Variants in PRKX observed in about 807,000 individuals in gnomAD.
The protein encoded by PRKX is protein kinase cAMP-dependent X-linked catalytic subunit, also known as cAMP-dependent protein kinase catalytic subunit PRKX.
Under a neutral mutation model 22.0 loss-of-function variants are expected in PRKX, and 12 were observed. The observed-to-expected ratio is 0.54, with a 90% confidence interval of 0.35 to 0.88. The LOEUF is 0.88. Among genes scored for constraint, PRKX ranks in the 40% least tolerant of loss-of-function variants. The pLI, the probability that PRKX is intolerant of heterozygous loss-of-function variation, is 0.01. For missense variants in PRKX, 217 were observed against 308.0 expected (o/e 0.70, Z 2.21); for synonymous variants, 134 against 137.7 (o/e 0.97, Z 0.19).
At chrX:3,696,300 A>G (rs1450606705) in intron 1 of PRKX, among the ~76,000 whole-genome samples, 2 of 111,467 alleles carry the variant, frequency 1.8e-5, no homozygotes, top group African/African-American at 6.5e-5. Flanking sequence ...CCCCCAGTCT[A>G]TGATACAGAC....
chrX:3,692,416 C>T (rs6641856), intron 1 of PRKX, among the ~76,000 whole-genome samples: 18,771 of 110,174 alleles, frequency 0.17, 1,315 homozygotes, highest in East Asian at 0.36. Flanking sequence ...CCCGTAGTAT[C>T]GCCTGCAATG....
intron 1 of PRKX, among the ~76,000 whole-genome samples, chrX:3,695,471 G>A: frequency 9.0e-6 from 1 of 111,498 alleles, no homozygotes. Flanking sequence ...GGAGTGCAGT[G>A]GCGCAATCTT....
chrX:3,710,387 G>A (rs1476410446), intron 1 of PRKX, among the ~76,000 whole-genome samples: 4 of 111,716 alleles, frequency 3.6e-5, no homozygotes, highest in South Asian at 3.7e-4. Flanking sequence ...CTAGAACGCT[G>A]ACAAGTTTCT....
intron 1 of PRKX, among the ~76,000 whole-genome samples, chrX:3,708,849 C>CAA (rs370829251): frequency 9.4e-5 from 8 of 84,704 alleles, no homozygotes; most frequent in Non-Finnish European, 7.0e-5. Flanking sequence ...AACTCTGTCT[C>CAA]AAAAAAAAAA....
intron 1 of PRKX, among the ~76,000 whole-genome samples, chrX:3,701,655 A>G (rs147657462): frequency 0.016 from 1,799 of 112,157 alleles, 39 homozygotes; most frequent in African/African-American, 0.055. Context: ...GTTGGGCTGC[A>G]TGCCCAGATG....
chrX:3,710,410 C>T (rs776297635), intron 1 of PRKX, among the ~76,000 whole-genome samples: 6 of 112,101 alleles, frequency 5.4e-5, no homozygotes, highest in African/African-American at 1.3e-4. Context: ...TTCTCTCTGT[C>T]GCCCAGGCTG....
Position 3,655,409 on chromosome X carries a change from G to C in PRKX, c.339C>G (p.Phe113Leu). ...GGAAGCGCTCGTCATGCCACGTCCAGAACCTGCGGGGACAGACAGCACATG... is the reference window on the plus strand; with the variant it reads ...GGAAGCGCTCGTCATGCCACGTCCACAACCTGCGGGGACAGACAGCACATG... Reference protein sequence around the residue: ...EVSHPFLIRLFWTWHDERFLY... With the variant: ...EVSHPFLIRLLWTWHDERFLY... Residue 113 changes from phenylalanine (F) to leucine (L), a missense_variant, in exon 3 of 9, where the codon TTC becomes TTG. By Grantham distance (22) the Phe-to-Leu change is conservative. Coordinates refer to ENST00000262848, the MANE Select transcript of PRKX (RefSeq NM_005044.5). The C allele has an allele frequency of 8.2e-7, 1 of 1,212,188 alleles. No homozygotes were observed. Among genetic ancestry groups the C allele is most frequent in the Non-Finnish European group, 1.1e-6 (1 of 895,599 alleles).
At chrX:3,671,646 A>G (rs1927848775) in intron 2 of PRKX, among the ~76,000 whole-genome samples, 1 of 111,429 alleles carries the variant, frequency 9.0e-6, no homozygotes, top group Non-Finnish European at 1.9e-5. Flanking sequence ...AGCATCCAAA[A>G]TGTCCTCTTC....
intron 2 of PRKX, among the ~76,000 whole-genome samples, chrX:3,661,596 GA>G (rs11408481): frequency 5.7e-4 from 56 of 97,555 alleles, no homozygotes; most frequent in Admixed American, 9.0e-4. Context: ...ACCCTATCTG[GA>G]AAAAAAAAAA....
At chrX:3,663,836 T>C (rs1159635256) in intron 2 of PRKX, among the ~76,000 whole-genome samples, 1 of 110,685 alleles carries the variant, frequency 9.0e-6, no homozygotes, top group African/African-American at 3.3e-5. Flanking sequence ...GTGAGAGGCA[T>C]CTGAGCAGAA....
intron 2 of PRKX, among the ~76,000 whole-genome samples, chrX:3,671,245 A>G (rs766371364): frequency 2.1e-4 from 23 of 110,443 alleles, no homozygotes; most frequent in Non-Finnish European, 3.8e-4. Context: ...CATATTGGCC[A>G]GGCTAGAATT....
chrX:3,656,064 T>C (rs1238679362), intron 2 of PRKX, among the ~76,000 whole-genome samples: 1 of 111,771 alleles, frequency 8.9e-6, no homozygotes, highest in Non-Finnish European at 1.9e-5. Flanking sequence ...TGTTGGAATA[T>C]AGGTGTAGAC....
Position 3,713,379 on chromosome X carries a change from G to C in PRKX, c.-126C>G. 5.4e-6 allele frequency: 3 copies of C among 555,355 alleles called. No homozygotes were observed. Among genetic ancestry groups the C allele is most frequent in the Non-Finnish European group, 7.3e-6 (3 of 408,743 alleles). 45.8% of individuals were successfully genotyped at this position (555,355 alleles called of 1,213,427 possible). ...ACAGAGGCTCCCCATGCGCGCTCTC[G>C]CCTCCTGGTGCGCGGTCCGGCGCGG... On this transcript the variant is annotated 5_prime_UTR_variant, in exon 1 of 9. Coordinates refer to ENST00000262848, the MANE Select transcript of PRKX (RefSeq NM_005044.5).
intron 1 of PRKX, among the ~76,000 whole-genome samples, chrX:3,692,290 C>T (rs1928346296): frequency 1.8e-5 from 2 of 110,564 alleles, no homozygotes; most frequent in East Asian, 2.9e-4. Context: ...ACTCACCACA[C>T]GCCATCAGCA....
intron 1 of PRKX, among the ~76,000 whole-genome samples, chrX:3,681,895 T>C (rs1425489395): frequency 9.1e-6 from 1 of 110,238 alleles, no homozygotes; most frequent in Non-Finnish European, 1.9e-5. Context: ...CAGGCCACCG[T>C]GTTTATCATC....
rs186237897 is a variant in PRKX, at chrX:3,706,979, T to A, written c.166+6109A>T. Among the ~76,000 whole-genome samples the A allele has an allele frequency of 1.1e-4, 12 of 110,621 alleles. No homozygotes were observed. The East Asian group carries it at 3.4e-3, about 32-fold the overall frequency. On this transcript the variant is annotated intron_variant, in intron 1 of 8. Transcript: ENST00000262848. ...TCTCTACAAAAATAAATACATAAAT[T>A]AGCTGAGTGTGGTGGTGCACGTCTG...
chrX:3,661,149 AAC>A (rs1927586923), intron 2 of PRKX, among the ~76,000 whole-genome samples: 2 of 111,841 alleles, frequency 1.8e-5, no homozygotes, highest in African/African-American at 6.5e-5. Flanking sequence ...TTTAAGAAGT[AAC>A]AGTTTACAAA....
intron 7 of PRKX, among the ~76,000 whole-genome samples, chrX:3,615,309 G>A (rs1366850118): frequency 9.0e-5 from 10 of 111,629 alleles, no homozygotes; most frequent in Non-Finnish European, 1.7e-4. Flanking sequence ...GTGAGCCACA[G>A]CACCCAGCCA....
chrX:3,621,712 G>C (rs1360161612), intron 5 of PRKX, among the ~76,000 whole-genome samples: 1 of 111,826 alleles, frequency 8.9e-6, no homozygotes, highest in Admixed American at 9.5e-5. Context: ...CTGTCCTGGG[G>C]GTCTGCTTAT....
Sources: gnomAD v4.1 joint callset for allele counts (sites outside exome capture counted in the v4.1 genomes callset) on GRCh38, gnomAD v4.1.1 for gene constraint, MANE v1.5 for transcripts, NCBI Gene and HGNC (gene_info 2026-07-23, HGNC 2026-07-21) for gene names.